USH2A: variants seen among roughly 807,000 people sequenced by gnomAD.
USH2A encodes the protein Usher syndrome 2A (autosomal recessive, mild).
In USH2A, 443 loss-of-function variants were observed where a neutral mutation model predicts 538.9. The observed-to-expected ratio is 0.82, with a 90% confidence interval of 0.76 to 0.89. The LOEUF (loss-of-function observed/expected upper bound fraction) is 0.89. Among genes scored for constraint, USH2A ranks in the 40% least tolerant of loss-of-function variants. USH2A has a pLI of 0.00. For missense variants in USH2A, 6,633 were observed against 6,324.8 expected (o/e 1.05, Z -1.65); for synonymous variants, 2,413 against 2,273.5 (o/e 1.06, Z -1.75).
chr1:215,888,842 A>G lies in USH2A; in HGVS notation c.7807T>C (p.Cys2603Arg). Residue 2603 changes from cysteine to arginine, a missense_variant, in exon 41 of 72, where the codon TGC becomes CGC. Coordinates refer to ENST00000307340, the MANE Select transcript of USH2A (RefSeq NM_206933.4). ...GAAAGGGAACATCCTTTTGAAGTGC[A>G]GGCTTCTACCTGAAACTTATAGGCA... ...YTAYKFQVEA[C>R]TSKGCSLSPE... 1 of 1,614,162 alleles carries G rather than the reference A, an allele frequency of 6.2e-7. No homozygotes were observed. Among genetic ancestry groups the G allele is most frequent in the East Asian group, 2.2e-5 (1 of 44,874 alleles).
At chr1:216,139,127 A>G (rs1300902520) in intron 21 of USH2A, among the ~76,000 whole-genome samples, 3 of 151,956 alleles carry the variant, frequency 2.0e-5, no homozygotes, top group African/African-American at 4.8e-5. Context: ...TTATTCTTTC[A>G]TCCTCTCAGC....
In USH2A at chr1:215,680,179, T is replaced by A. The variant is rs1282563850; in HGVS notation, c.12264A>T (p.Ser4088=). The A allele has an allele frequency of 6.2e-7, 1 of 1,614,072 alleles. No individual in the cohort carries two copies. Among genetic ancestry groups the A allele is most frequent in the Non-Finnish European group, 8.5e-7 (1 of 1,180,020 alleles). The stretch of plus-strand genomic sequence containing the variant: ...TCACACCATTGGTTCTCATAGGTTC[T>A]GACCACTGTAGTAGCAATGCCCGGC... The part of the protein sequence containing the change: ...ENGRALLLQW[S]EPMRTNGVIK... Residue 4088 remains serine, a synonymous_variant, in exon 62 of 72, where the codon TCA becomes TCT. Transcript: ENST00000307340.
At chr1:215,896,699 T>A (rs1665352313) in intron 40 of USH2A, among the ~76,000 whole-genome samples, 2 of 152,176 alleles carry the variant, frequency 1.3e-5, no homozygotes, top group Admixed American at 6.6e-5. Flanking sequence ...GTGATGGTTA[T>A]CTTTGTTTTC....
intron 32 of USH2A, among the ~76,000 whole-genome samples, chr1:216,009,994 G>C (rs1201149515): frequency 6.6e-6 from 1 of 152,074 alleles, no homozygotes; most frequent in Admixed American, 6.6e-5. Context: ...TACAGCCCTA[G>C]ACCCTAAAAA....
At chr1:215,901,251 A>G in intron 38 of USH2A, 1 of 360,834 alleles carries the variant, frequency 2.8e-6, no homozygotes, top group Non-Finnish European at 5.4e-6. Flanking sequence ...CTCTTTGTTC[A>G]ACAGACCAAA....
intron 4 of USH2A, among the ~76,000 whole-genome samples, chr1:216,362,812 A>T (rs1371753260): frequency 6.6e-6 from 1 of 151,668 alleles, no homozygotes; most frequent in Non-Finnish European, 1.5e-5. Flanking sequence ...GGTGGTGCAC[A>T]TCTGTAATCC....
At position 216,241,675 on chromosome 1, in the gene USH2A, C is replaced by A. The variant is rs566346146; in HGVS notation, c.2809+4910G>T. 1.7e-3 allele frequency among the ~76,000 whole-genome samples: 256 copies of A among 152,238 alleles called. 2 individuals carry two copies. Among genetic ancestry groups the A allele is most frequent in the African/African-American group, 5.9e-3 (244 of 41,562 alleles). ...TCAGTCTCCCAAGTAGCTGGGATTA[C>A]AGGCATGTGCCACCATGCCCAGCTA... On this transcript the variant is annotated intron_variant, in intron 13 of 71. Coordinates refer to ENST00000307340, the MANE Select transcript of USH2A (RefSeq NM_206933.4).
At chr1:216,083,393 T>A (rs1481285255) in intron 26 of USH2A, 63 bp downstream of exon 26, 1 of 1,553,640 alleles carries the variant, frequency 6.4e-7, no homozygotes. Context: ...CAACACATGG[T>A]TTATTTATTT....
At chr1:216,256,584 G>C (rs924562133) in intron 11 of USH2A, among the ~76,000 whole-genome samples, 7 of 151,896 alleles carry the variant, frequency 4.6e-5, no homozygotes, top group African/African-American at 7.2e-5. Context: ...ACCTCTGCCA[G>C]CCATGAGGCC....
At chr1:215,850,114 A>G (rs189953235) in intron 44 of USH2A, among the ~76,000 whole-genome samples, 5 of 152,276 alleles carry the variant, frequency 3.3e-5, no homozygotes, top group Admixed American at 3.3e-4. Flanking sequence ...ATTTAGAGAA[A>G]ATAGTTGCAT....
At chr1:216,151,541 C>T (rs941272182) in intron 21 of USH2A, among the ~76,000 whole-genome samples, 5 of 152,206 alleles carry the variant, frequency 3.3e-5, no homozygotes, top group East Asian at 1.9e-4. Flanking sequence ...GGCATTTCAA[C>T]GTCTGTCATG....
Position 215,867,009 on chromosome 1 carries a change from G to T in USH2A, c.8843C>A (p.Pro2948Gln), listed in dbSNP as rs1447051137. ...ACAGGTATGAGAAGCTTACTTACTTGGTTTAGCCCACCTCACGTCGATGGC... is the reference window on the plus strand; with the variant it reads ...ACAGGTATGAGAAGCTTACTTACTTTGTTTAGCCCACCTCACGTCGATGGC... ...HTAIDVRWAKPTVQDLQGEVE... is the reference protein window; with the variant it reads ...HTAIDVRWAKQTVQDLQGEVE... Residue 2948 changes from proline to glutamine, a missense_variant and splice_region_variant, in exon 44 of 72, where the codon CCA becomes CAA. Transcript: ENST00000307340. 19 of 1,614,000 alleles carry T rather than the reference G, an allele frequency of 1.2e-5. No individual in the cohort carries two copies. The highest frequency in any genetic ancestry group is 1.5e-5 in the Non-Finnish European group (18 of 1,179,962).
At chr1:215,932,884 A>G (rs1666399018) in intron 38 of USH2A, among the ~76,000 whole-genome samples, 1 of 152,034 alleles carries the variant, frequency 6.6e-6, no homozygotes, top group African/African-American at 2.4e-5. Flanking sequence ...GTATAATATT[A>G]ACCCTTTTAC....
At chr1:215,659,114 A>G (rs1657359164) in intron 64 of USH2A, among the ~76,000 whole-genome samples, 2 of 152,156 alleles carry the variant, frequency 1.3e-5, no homozygotes, top group South Asian at 4.1e-4. Flanking sequence ...AATAAAATAA[A>G]CAGGTTAGGA....
At chr1:215,650,553 A>G (rs1361117430) in intron 65 of USH2A, 39 bp downstream of exon 65, 2 of 1,611,828 alleles carry the variant, frequency 1.2e-6, no homozygotes, top group African/African-American at 2.7e-5. Context: ...ATGATTTTTA[A>G]AAGTCAACCA....
At chr1:216,110,964 G>A (rs2609423) in intron 21 of USH2A, among the ~76,000 whole-genome samples, 3 of 152,234 alleles carry the variant, frequency 2.0e-5, no homozygotes, top group East Asian at 1.9e-4. Flanking sequence ...GGTGGCTCAC[G>A]CCTGTAATCC....
At chr1:216,238,134 G>A (rs1260526404) in intron 13 of USH2A, among the ~76,000 whole-genome samples, 2 of 152,118 alleles carry the variant, frequency 1.3e-5, no homozygotes, top group Non-Finnish European at 2.9e-5. Flanking sequence ...AAGATACTTT[G>A]TTTTATGAAT....
At chr1:216,337,440 T>C (rs374238546) in intron 4 of USH2A, among the ~76,000 whole-genome samples, 1 of 151,464 alleles carries the variant, frequency 6.6e-6, no homozygotes, top group Non-Finnish European at 1.5e-5. Context: ...CTTGGTAGCA[T>C]AGGCATGAAA....
Position 216,369,913 on chromosome 1 carries a change from AC to A in USH2A, c.652-4829del, listed in dbSNP as rs1422436018. ...ACTACAGCCTGGGTGACAGAGTGAGACTCTGCCAAAAAAAAAAAAAAAAAAA... is the reference window on the plus strand; with the variant it reads ...ACTACAGCCTGGGTGACAGAGTGAGATCTGCCAAAAAAAAAAAAAAAAAAA... On this transcript the variant is annotated intron_variant, in intron 3 of 71. Coordinates refer to ENST00000307340, the MANE Select transcript of USH2A (RefSeq NM_206933.4). Among the ~76,000 whole-genome samples, 7 of 83,948 alleles carry A rather than the reference AC, an allele frequency of 8.3e-5. No homozygotes were observed. In the Admixed American group the frequency reaches 1.1e-3, roughly 13 times the overall value. 55.1% of individuals were successfully genotyped at this position (83,948 alleles called of 152,430 possible). A position where few individuals can be genotyped will look rare whatever the true frequency, so the allele number is the denominator to read the frequency against.
Sources: allele counts gnomAD v4.1 joint callset (sites outside exome capture counted in the v4.1 genomes callset), GRCh38; gene constraint gnomAD v4.1.1; transcripts MANE v1.5; gene names NCBI Gene and HGNC (gene_info 2026-07-23, HGNC 2026-07-21).